The following MGAT4C variants were observed in gnomAD, a reference collection of about 807,000 sequenced individuals.
The protein encoded by MGAT4C is MGAT4 family member C.
In MGAT4C, 19 loss-of-function variants were observed where a neutral mutation model predicts 40.1. The observed-to-expected ratio is 0.47, with a 90% CI of 0.33 to 0.70. MGAT4C has a LOEUF of 0.70. MGAT4C is among the 30% of genes least tolerant of loss of function. The probability of loss-of-function intolerance (pLI) is 0.02; values close to 1 mark genes in which losing one functional copy is unlikely to be tolerated. For synonymous variants in MGAT4C, 181 were observed against 187.1 expected (o/e 0.97, Z 0.27); for missense variants, 491 against 563.2 (o/e 0.87, Z 1.30).
At chr12:86,305,761 GTAAA>G (rs1449398651) in intron 4 of MGAT4C, among the ~76,000 whole-genome samples, 3 of 150,188 alleles carry the variant, frequency 2.0e-5, no homozygotes, top group Non-Finnish European at 4.4e-5. Flanking sequence ...TAAATTATAT[GTAAA>G]TAGTTTCTAT....
intron 1 of MGAT4C, among the ~76,000 whole-genome samples, chr12:86,746,603 A>C (rs924373096): frequency 6.6e-6 from 1 of 151,698 alleles, no homozygotes; most frequent in East Asian, 1.9e-4. Context: ...TAAACTTCAA[A>C]TACAGTGAAT....
At chr12:86,737,342 C>CT (rs36112885) in intron 1 of MGAT4C, among the ~76,000 whole-genome samples, 62,726 of 131,178 alleles carry the variant, frequency 0.48, 16,026 homozygotes, top group Admixed American at 0.59. Context: ...AACTAAAATA[C>CT]TTTTTTTTTT....
chr12:86,834,196 ATAGATATAGAT>A (rs1229105344), intron 1 of MGAT4C, among the ~76,000 whole-genome samples: 87 of 145,370 alleles, frequency 6.0e-4, no homozygotes, highest in African/African-American at 2.3e-3. Flanking sequence ...AGATATAGAT[ATAGATATAGAT>A]ATAGATATAG....
intron 4 of MGAT4C, among the ~76,000 whole-genome samples, chr12:86,270,690 G>A (rs948276815): frequency 1.3e-5 from 2 of 151,978 alleles, no homozygotes; most frequent in Non-Finnish European, 1.5e-5. Context: ...ATATGTAACC[G>A]AAAAAGAAAA....
At chr12:86,160,597 T>C (rs1161875688) in intron 1 of MGAT4C, among the ~76,000 whole-genome samples, 3 of 152,018 alleles carry the variant, frequency 2.0e-5, no homozygotes, top group African/African-American at 7.2e-5. Flanking sequence ...GTCTAATTGG[T>C]CAAGTGTCAA....
chr12:86,002,548 C>T (rs1458614948), intron 2 of MGAT4C: 1 of 151,384 alleles, frequency 6.6e-6, no homozygotes, highest in Non-Finnish European at 1.5e-5. Flanking sequence ...CAGAATAAAA[C>T]CTTTAAGATC....
intron 2 of MGAT4C, among the ~76,000 whole-genome samples, chr12:86,585,727 T>TA (rs1356532957): frequency 6.7e-6 from 1 of 149,598 alleles, no homozygotes; most frequent in Non-Finnish European, 1.5e-5. Flanking sequence ...CATGTTTTAT[T>TA]TTTTTTAATT....
At chr12:86,188,400 G>C (rs1325041084) in intron 1 of MGAT4C, among the ~76,000 whole-genome samples, 2 of 151,358 alleles carry the variant, frequency 1.3e-5, no homozygotes, top group African/African-American at 4.9e-5. Context: ...GTAACATATG[G>C]GACATACATG....
At chr12:86,651,277 A>C (rs920858996) in intron 2 of MGAT4C, among the ~76,000 whole-genome samples, 1 of 151,908 alleles carries the variant, frequency 6.6e-6, no homozygotes, top group African/African-American at 2.4e-5. Context: ...TGAAGCCTGA[A>C]TCCAAGTAAT....
At chr12:86,338,113 T>C (rs1449806415) in intron 3 of MGAT4C, among the ~76,000 whole-genome samples, 2 of 152,172 alleles carry the variant, frequency 1.3e-5, no homozygotes, top group Admixed American at 1.3e-4. Flanking sequence ...CTGTGTGGGA[T>C]ACTAAAGTTT....
chr12:86,644,440 C>T (rs1963478462), intron 2 of MGAT4C, among the ~76,000 whole-genome samples: 1 of 151,636 alleles, frequency 6.6e-6, no homozygotes, highest in African/African-American at 2.4e-5. Context: ...ATAGTAATAA[C>T]AAGTGTTGGC....
intron 4 of MGAT4C, among the ~76,000 whole-genome samples, chr12:86,265,446 T>C (rs1301682060): frequency 2.0e-5 from 3 of 152,232 alleles, no homozygotes; most frequent in African/African-American, 7.2e-5. Context: ...GTATTCTTGT[T>C]TACTTTGTCA....
chr12:86,676,334 A>G (rs1964399054), intron 2 of MGAT4C, among the ~76,000 whole-genome samples: 1 of 152,214 alleles, frequency 6.6e-6, no homozygotes, highest in Admixed American at 6.6e-5. Flanking sequence ...TTAATTTTAA[A>G]TAATTAGCTT....
At chr12:86,147,184 G>T (rs1883633288) in intron 1 of MGAT4C, among the ~76,000 whole-genome samples, 1 of 152,158 alleles carries the variant, frequency 6.6e-6, no homozygotes, top group Admixed American at 6.5e-5. Flanking sequence ...GGTGGGTTGA[G>T]TTTTCTAAGA....
chr12:86,110,127 G>A (rs1454769372), intron 1 of MGAT4C, among the ~76,000 whole-genome samples: 1 of 149,786 alleles, frequency 6.7e-6, no homozygotes, highest in Non-Finnish European at 1.5e-5. Flanking sequence ...GTTACCCCAG[G>A]TAAAGCTAGA....
chr12:86,020,597 A>G (rs931218023), intron 2 of MGAT4C, among the ~76,000 whole-genome samples: 1 of 152,218 alleles, frequency 6.6e-6, no homozygotes, highest in Admixed American at 6.5e-5. Context: ...AAGATGGATT[A>G]AAGACTTAAA....
At chr12:86,722,223 G>A in intron 2 of MGAT4C, among the ~76,000 whole-genome samples, 1 of 152,080 alleles carries the variant, frequency 6.6e-6, no homozygotes, top group East Asian at 1.9e-4. Flanking sequence ...AAGCAAGCAT[G>A]GAGCAAACCG....
intron 3 of MGAT4C, among the ~76,000 whole-genome samples, chr12:86,406,555 T>C (rs949719855): frequency 6.6e-6 from 1 of 152,046 alleles, no homozygotes; most frequent in Non-Finnish European, 1.5e-5. Flanking sequence ...TGTATTTTGT[T>C]TTTTAGCCAT....
intron 1 of MGAT4C, among the ~76,000 whole-genome samples, chr12:86,227,062 G>A (rs1038076871): frequency 6.6e-6 from 1 of 151,770 alleles, no homozygotes; most frequent in African/African-American, 2.4e-5. Context: ...TTGCATCCAG[G>A]CTGACATATC....
Sources: gnomAD v4.1 joint callset for allele counts (sites outside exome capture counted in the v4.1 genomes callset) on GRCh38, gnomAD v4.1.1 for gene constraint, MANE v1.5 for transcripts, NCBI Gene and HGNC (gene_info 2026-07-23, HGNC 2026-07-21) for gene names.